WDR17: variants seen among roughly 807,000 people sequenced by gnomAD.
WDR17 encodes the protein WD repeat-containing protein 17.
In WDR17, 143 loss-of-function variants were observed where a neutral mutation model predicts 161.7. That is an observed-to-expected ratio of 0.88 (90% CI 0.77 to 1.02). The LOEUF (loss-of-function observed/expected upper bound fraction) is 1.02, where lower values mean the gene tolerates loss of function less well. Ranked by LOEUF, WDR17 falls within the 50% of genes least tolerant of loss-of-function variation. The probability of loss-of-function intolerance (pLI) is 0.00; values close to 1 mark genes in which losing one functional copy is unlikely to be tolerated. For synonymous variants in WDR17, 517 were observed against 515.6 expected (o/e 1.00, Z -0.04); for missense variants, 1,469 against 1,520.9 (o/e 0.97, Z 0.57).
Position 176,146,003 on chromosome 4 carries a change from T to G in WDR17, c.1538T>G (p.Ile513Arg). Reference sequence around the variant, plus strand: ...CATTGATGATATTTCAGAGACATGATAGCCACTGGCTGTGAAGACACAAAT... The same window carrying G: ...CATTGATGATATTTCAGAGACATGAGAGCCACTGGCTGTGAAGACACAAAT... Reference protein sequence around the residue: ...CDWSQNNKDMIATGCEDTNVR... With the variant: ...CDWSQNNKDMRATGCEDTNVR... The change falls in exon 12 of 29, where the codon ATA becomes AGA. Residue 513 changes from isoleucine (I) to arginine (R), a missense_variant. Ile to Arg is a moderately conservative substitution (Grantham distance 97). Transcript: ENST00000508596. 6.2e-7 allele frequency: 1 copy of G among 1,613,264 alleles called. No individual in the cohort carries two copies. The highest frequency in any genetic ancestry group is 2.2e-5 in the East Asian group (1 of 44,846).
At chr4:176,148,536 A>G (rs1371648309) in intron 13 of WDR17, among the ~76,000 whole-genome samples, 1 of 152,220 alleles carries the variant, frequency 6.6e-6, no homozygotes, top group African/African-American at 2.4e-5. Context: ...TTATCAGAAG[A>G]TGACTATTGT....
chr4:176,122,972 C>A (rs546527536), intron 4 of WDR17, among the ~76,000 whole-genome samples: 1 of 152,202 alleles, frequency 6.6e-6, no homozygotes, highest in East Asian at 1.9e-4. Context: ...ACCATGTTAT[C>A]CTGTATTATT....
At chr4:176,068,734 T>A (rs1732841208) in intron 1 of WDR17, among the ~76,000 whole-genome samples, 1 of 152,232 alleles carries the variant, frequency 6.6e-6, no homozygotes, top group African/African-American at 2.4e-5. Flanking sequence ...TACCCAAGAC[T>A]GTGCTTTATC....
chr4:176,119,925 C>T lies in WDR17; in HGVS notation c.366C>T (p.Ser122=). ...WNAEDVVAFV[S]HRGPLFIWTI... is the part of the protein sequence containing the mutation. Reference sequence around the variant, plus strand: ...CAGAGGATGTGGTGGCATTTGTTTCCCACAGAGGCCCACTGTTCATTTGGA... The same window carrying T: ...CAGAGGATGTGGTGGCATTTGTTTCTCACAGAGGCCCACTGTTCATTTGGA... The change falls in exon 4 of 29, where the codon TCC becomes TCT. Residue 122 remains serine (S), a synonymous_variant. Transcript: ENST00000508596. 6.2e-7 allele frequency: 1 copy of T among 1,613,954 alleles called. No individual in the cohort carries two copies. The highest frequency in any genetic ancestry group is 8.5e-7 in the Non-Finnish European group (1 of 1,179,966).
chr4:176,102,761 T>C (rs931354456), intron 1 of WDR17, among the ~76,000 whole-genome samples: 12 of 152,140 alleles, frequency 7.9e-5, no homozygotes, highest in African/African-American at 2.9e-4. Flanking sequence ...TGTAATTATT[T>C]TGTAATACCA....
chr4:176,119,695 C>T lies in WDR17; in HGVS notation c.308-172C>T, dbSNP rs148130848. Among the ~76,000 whole-genome samples, 30 of 152,212 alleles carry T rather than the reference C, an allele frequency of 2.0e-4. No homozygotes were observed. In the South Asian group the frequency reaches 6.2e-3, roughly 32 times the overall value. ...TTTCTTTCATCATGGACTTTCCCTGCCTATGTTCCCTGCAGTCTTTGGGAT... is the reference window on the plus strand; with the variant it reads ...TTTCTTTCATCATGGACTTTCCCTGTCTATGTTCCCTGCAGTCTTTGGGAT... On this transcript the variant is annotated intron_variant, in intron 3 of 28. Transcript: ENST00000508596.
At chr4:176,097,647 A>G (rs1367765058) in intron 1 of WDR17, among the ~76,000 whole-genome samples, 1 of 151,336 alleles carries the variant, frequency 6.6e-6, no homozygotes, top group Non-Finnish European at 1.5e-5. Flanking sequence ...TTCCATCCTG[A>G]GTTTCAATTT....
At chr4:176,088,140 G>A (rs1735657444) in intron 1 of WDR17, among the ~76,000 whole-genome samples, 1 of 151,774 alleles carries the variant, frequency 6.6e-6, no homozygotes, top group Admixed American at 6.6e-5. Context: ...CACCATCCCT[G>A]GCCTTTATTT....
chr4:176,133,268 A>G (rs1228582554), intron 7 of WDR17, among the ~76,000 whole-genome samples: 4 of 130,746 alleles, frequency 3.1e-5, no homozygotes, highest in Non-Finnish European at 5.0e-5. Context: ...TAAAAAAAAA[A>G]AAAAAAGAAG....
chr4:176,149,825 G>T lies in WDR17; in HGVS notation c.1916G>T (p.Ser639Ile), dbSNP rs1008820684. 2 of 1,613,196 alleles carry T rather than the reference G, an allele frequency of 1.2e-6. No individual in the cohort carries two copies. The highest frequency in any genetic ancestry group is 1.7e-6 in the Non-Finnish European group (2 of 1,179,848). The change falls in exon 14 of 29, where the codon AGT (serine) becomes ATT (isoleucine). Residue 639 changes from serine (S) to isoleucine (I), a missense_variant. Coordinates refer to ENST00000508596, the MANE Select transcript of WDR17 (RefSeq NM_181265.4). ...TCATCAGGTTTAACCTGCCATCCCA[G>T]TCGCCCCTTCACTATGGCCTCTTGC... ...ADVYGLTCHP[S>I]RPFTMASCSR...
At chr4:176,158,649 TAAGAGC>T (rs1484572619) in intron 18 of WDR17, among the ~76,000 whole-genome samples, 1 of 152,148 alleles carries the variant, frequency 6.6e-6, no homozygotes, top group African/African-American at 2.4e-5. Context: ...TTGATCTTAG[TAAGAGC>T]TGTTTTGGTA....
intron 1 of WDR17, among the ~76,000 whole-genome samples, chr4:176,067,267 G>A (rs1732651777): frequency 1.3e-5 from 2 of 152,192 alleles, no homozygotes; most frequent in African/African-American, 4.8e-5. Context: ...TAGTTATTAA[G>A]TGCTTTTGAA....
chr4:176,125,493 A>G (rs1297329933), intron 5 of WDR17, 138 bp downstream of exon 5: 27 of 1,076,188 alleles, frequency 2.5e-5, no homozygotes, highest in Non-Finnish European at 3.4e-5. Context: ...GTAAATTACT[A>G]GTGTACTTTT....
Position 176,177,660 on chromosome 4 carries a change from G to A in WDR17, c.3732+6G>A, listed in dbSNP as rs977012377. The stretch of plus-strand genomic sequence containing the variant: ...TTACGGGATTAAAAATCCAGGTAAA[G>A]CCTAACATCAGACATAACATGTGTA... On this transcript the variant is annotated splice_donor_region_variant and intron_variant, in intron 28 of 28. Transcript: ENST00000508596. The A allele has an allele frequency of 4.4e-6, 7 of 1,577,414 alleles. No individual in the cohort carries two copies. The African/African-American group carries it at 5.5e-5, about 12-fold the overall frequency.
intron 1 of WDR17, among the ~76,000 whole-genome samples, chr4:176,101,247 G>C (rs1341924893): frequency 1.3e-5 from 2 of 152,042 alleles, no homozygotes; most frequent in Non-Finnish European, 2.9e-5. Context: ...ACCTAAGCAG[G>C]GCTGGGGGTA....
chr4:176,076,824 G>A (rs1248521979), intron 1 of WDR17, among the ~76,000 whole-genome samples: 2 of 152,000 alleles, frequency 1.3e-5, no homozygotes, highest in Non-Finnish European at 2.9e-5. Flanking sequence ...AACACAGAAT[G>A]TGTAGGTTTC....
chr4:176,152,384 C>T (rs980641037), intron 17 of WDR17, among the ~76,000 whole-genome samples: 5 of 149,632 alleles, frequency 3.3e-5, no homozygotes, highest in African/African-American at 1.2e-4. Flanking sequence ...ATCACGAGGT[C>T]AGGAGATTAA....
intron 1 of WDR17, among the ~76,000 whole-genome samples, chr4:176,103,580 A>T (rs1036147083): frequency 7.2e-5 from 11 of 152,102 alleles, no homozygotes; most frequent in African/African-American, 2.4e-4. Flanking sequence ...AACAAAATAG[A>T]AATAATAGAG....
At chr4:176,109,249 A>G (rs1739308346) in intron 1 of WDR17, among the ~76,000 whole-genome samples, 1 of 152,164 alleles carries the variant, frequency 6.6e-6, no homozygotes, top group Non-Finnish European at 1.5e-5. Flanking sequence ...ATAATCTCCA[A>G]AAGTCAATGT....
Sources: gnomAD v4.1 joint callset for allele counts (sites outside exome capture counted in the v4.1 genomes callset) on GRCh38, gnomAD v4.1.1 for gene constraint, MANE v1.5 for transcripts, NCBI Gene and HGNC (gene_info 2026-07-23, HGNC 2026-07-21) for gene names.